Variants in RIMS1 observed in about 807,000 individuals in gnomAD.
The protein encoded by RIMS1 is regulating synaptic membrane exocytosis protein 1.
RIMS1 carries 83 observed loss-of-function variants against 214.1 expected under a neutral mutation model. The ratio of observed to expected loss-of-function variants is 0.39; its 90% CI spans 0.32 to 0.47. The LOEUF (loss-of-function observed/expected upper bound fraction) is 0.47. RIMS1 is among the 20% of genes least tolerant of loss of function. RIMS1 has a pLI of 0.99. For missense variants in RIMS1, 2,050 were observed against 2,161.8 expected (o/e 0.95, Z 1.03); for synonymous variants, 793 against 786.8 (o/e 1.01, Z -0.13).
At chr6:72,012,356 G>A (rs1421416867) in intron 2 of RIMS1, among the ~76,000 whole-genome samples, 1 of 152,110 alleles carries the variant, frequency 6.6e-6, no homozygotes, top group Non-Finnish European at 1.5e-5. Context: ...GGGTGGGATA[G>A]CATTAGGAGA....
rs543308776 is a variant in RIMS1, at chr6:71,937,371, C to T, written c.165-31612C>T. Among the ~76,000 whole-genome samples, 3 of 152,208 alleles carry T rather than the reference C, an allele frequency of 2.0e-5. No homozygotes were observed. In the South Asian group the frequency reaches 6.2e-4, roughly 32 times the overall value. On this transcript the variant is annotated intron_variant, in intron 1 of 33. Coordinates refer to ENST00000521978, the MANE Select transcript of RIMS1 (RefSeq NM_014989.7). Reference sequence around the variant, plus strand: ...AACCTCCCAGGCTCAAGCGATTCTCCCACCTTAGAATCCTGAGTAACTGAA... The same window carrying T: ...AACCTCCCAGGCTCAAGCGATTCTCTCACCTTAGAATCCTGAGTAACTGAA...
intron 2 of RIMS1, among the ~76,000 whole-genome samples, chr6:72,008,272 C>T (rs535205444): frequency 7.2e-4 from 109 of 152,132 alleles, no homozygotes; most frequent in Non-Finnish European, 1.4e-3. Flanking sequence ...CAAGCAAATG[C>T]TGAGAGATTT....
At chr6:72,355,783 A>G (rs964196228) in intron 29 of RIMS1, among the ~76,000 whole-genome samples, 15 of 152,102 alleles carry the variant, frequency 9.9e-5, no homozygotes, top group African/African-American at 3.6e-4. Context: ...TGACATGTCT[A>G]ATTCGATACC....
intron 2 of RIMS1, among the ~76,000 whole-genome samples, chr6:72,076,558 T>C (rs1006505765): frequency 1.3e-5 from 2 of 152,216 alleles, no homozygotes; most frequent in Admixed American, 1.3e-4. Context: ...GGTTTTAATA[T>C]TTGAATTCTG....
chr6:72,257,007 G>A (rs116931622), intron 16 of RIMS1, among the ~76,000 whole-genome samples: 4 of 151,800 alleles, frequency 2.6e-5, no homozygotes, highest in African/African-American at 4.8e-5. Context: ...CTTAAAATTC[G>A]GCATAAGATC....
chr6:72,297,879 C>G (rs1465927180), intron 26 of RIMS1, among the ~76,000 whole-genome samples: 1 of 152,010 alleles, frequency 6.6e-6, no homozygotes. Flanking sequence ...GAAAAGTTCA[C>G]AGCATAGAAA....
intron 2 of RIMS1, among the ~76,000 whole-genome samples, chr6:72,090,025 T>A (rs13209973): frequency 3.0e-5 from 2 of 66,908 alleles, no homozygotes; most frequent in Non-Finnish European, 2.7e-5. Context: ...TGTGGTGGGG[T>A]GGGGGGAGGG....
At position 72,151,322 on chromosome 6, in the gene RIMS1, G is replaced by A. The variant is rs554530869; in HGVS notation, c.472-28253G>A. 1.8e-4 allele frequency among the ~76,000 whole-genome samples: 28 copies of A among 152,304 alleles called. 1 individual carries two copies. The South Asian group carries it at 3.1e-3, about 17-fold the overall frequency. On this transcript the variant is annotated intron_variant, in intron 4 of 33. Coordinates refer to ENST00000521978, the MANE Select transcript of RIMS1 (RefSeq NM_014989.7). Reference sequence around the variant, plus strand: ...CTCCCAAAGTGCTGCGATTACAGGCGTGAGCCACTGTACCCGGCCCATATA... The same window carrying A: ...CTCCCAAAGTGCTGCGATTACAGGCATGAGCCACTGTACCCGGCCCATATA...
intron 2 of RIMS1, among the ~76,000 whole-genome samples, chr6:72,027,505 C>T (rs1218115575): frequency 1.3e-5 from 2 of 152,068 alleles, no homozygotes; most frequent in African/African-American, 4.8e-5. Flanking sequence ...TTATTATTTG[C>T]TGATAACAAT....
chr6:72,302,372 A>G (rs2094710166), intron 26 of RIMS1, among the ~76,000 whole-genome samples: 1 of 151,724 alleles, frequency 6.6e-6, no homozygotes, highest in South Asian at 2.1e-4. Context: ...ATTTTAAGAT[A>G]TAGTTTATAC....
chr6:72,245,738 C>T, intron 10 of RIMS1, 77 bp from the exon 11 acceptor site: 1 of 1,118,980 alleles, frequency 8.9e-7, no homozygotes, highest in Non-Finnish European at 1.4e-6. Context: ...TTTTTCACAT[C>T]ACGTATAATG....
At chr6:72,093,161 C>T (rs1462534054) in intron 2 of RIMS1, among the ~76,000 whole-genome samples, 1 of 143,348 alleles carries the variant, frequency 7.0e-6, no homozygotes, top group African/African-American at 2.5e-5. Context: ...ATTTCGGGTC[C>T]TAGAGAGTTT....
At chr6:71,972,554 G>A (rs758526974) in intron 2 of RIMS1, among the ~76,000 whole-genome samples, 1 of 152,114 alleles carries the variant, frequency 6.6e-6, no homozygotes, top group Non-Finnish European at 1.5e-5. Context: ...CTATCCAAAT[G>A]TTCCTTTTAA....
At chr6:72,060,548 G>A (rs1045411471) in intron 2 of RIMS1, among the ~76,000 whole-genome samples, 1 of 151,924 alleles carries the variant, frequency 6.6e-6, no homozygotes, top group Non-Finnish European at 1.5e-5. Context: ...GATTAAGTAG[G>A]GCTACTTGTT....
chr6:72,022,482 T>G (rs521873), intron 2 of RIMS1, among the ~76,000 whole-genome samples: 4,901 of 152,324 alleles, frequency 0.032, 121 homozygotes, highest in Middle Eastern at 0.088. Context: ...ACATTTATAT[T>G]ACATATTTGT....
At chr6:72,031,396 T>G (rs1413991596) in intron 2 of RIMS1, among the ~76,000 whole-genome samples, 1 of 152,198 alleles carries the variant, frequency 6.6e-6, no homozygotes, top group African/African-American at 2.4e-5. Context: ...GAAAGCATTT[T>G]CATTTATAGC....
At chr6:72,186,874 T>C (rs1176833580) in intron 6 of RIMS1, among the ~76,000 whole-genome samples, 1 of 152,008 alleles carries the variant, frequency 6.6e-6, no homozygotes. Flanking sequence ...CTCTCACCTG[T>C]AATTCCAGCA....
intron 2 of RIMS1, among the ~76,000 whole-genome samples, chr6:72,094,766 A>G (rs934118171): frequency 2.0e-5 from 3 of 152,058 alleles, no homozygotes; most frequent in African/African-American, 7.2e-5. Context: ...CATGTTCTAT[A>G]TTTTAGAATA....
At chr6:72,166,426 T>G (rs1049005525) in intron 4 of RIMS1, among the ~76,000 whole-genome samples, 6 of 152,122 alleles carry the variant, frequency 3.9e-5, no homozygotes, top group Admixed American at 3.3e-4. Flanking sequence ...GAATTAGAGC[T>G]TCAACATACA....
Sources: gnomAD v4.1 joint callset for allele counts (sites outside exome capture counted in the v4.1 genomes callset) on GRCh38, gnomAD v4.1.1 for gene constraint, MANE v1.5 for transcripts, NCBI Gene and HGNC (gene_info 2026-07-23, HGNC 2026-07-21) for gene names.